CRB1: variants seen among roughly 807,000 people sequenced by gnomAD.
The protein encoded by CRB1 is protein crumbs homolog 1.
A neutral mutation model predicts 120.0 loss-of-function variants in CRB1; 83 were observed. That is an observed-to-expected ratio of 0.69 (90% confidence interval 0.58 to 0.83). CRB1 has a LOEUF of 0.83. CRB1 is among the 40% of genes least tolerant of loss of function. The pLI is 0.00. For synonymous variants in CRB1, 625 were observed against 612.5 expected (o/e 1.02, Z -0.30); for missense variants, 1,699 against 1,687.6 (o/e 1.01, Z -0.12).
At chr1:197,315,487 C>G (rs1395198785) in intron 1 of CRB1, among the ~76,000 whole-genome samples, 1 of 152,168 alleles carries the variant, frequency 6.6e-6, no homozygotes, top group Non-Finnish European at 1.5e-5. Flanking sequence ...CTAAAATAAA[C>G]AGATGGAAAG....
At chr1:197,448,701 T>A (rs1175241801) in intron 11 of CRB1, among the ~76,000 whole-genome samples, 2 of 152,212 alleles carry the variant, frequency 1.3e-5, no homozygotes, top group Non-Finnish European at 1.5e-5. Flanking sequence ...TCTTCTAGGA[T>A]CCTTTCCCTG....
At chr1:197,410,080 C>A (rs1437964090) in intron 5 of CRB1, among the ~76,000 whole-genome samples, 1 of 152,134 alleles carries the variant, frequency 6.6e-6, no homozygotes, top group Non-Finnish European at 1.5e-5. Context: ...CCACTGCGCC[C>A]GGCCAGTAAG....
intron 5 of CRB1, among the ~76,000 whole-genome samples, chr1:197,407,919 T>C (rs1663499605): frequency 6.6e-6 from 1 of 152,212 alleles, no homozygotes; most frequent in Non-Finnish European, 1.5e-5. Context: ...ACTAAAGTTG[T>C]CTTCCAATAC....
chr1:197,219,280 C>G, the CRB1 span, among the ~76,000 whole-genome samples: 1 of 152,216 alleles, frequency 6.6e-6, no homozygotes, highest in African/African-American at 2.4e-5. Flanking sequence ...GTCCTGAATT[C>G]TGTGGTAACT....
rs536752388 is a variant in CRB1, at chr1:197,307,868, G to A, written c.71-20554G>A. Among the ~76,000 whole-genome samples the A allele has an allele frequency of 8.5e-5, 13 of 152,186 alleles. No individual in the cohort carries two copies. In the South Asian group the frequency reaches 2.7e-3, roughly 32 times the overall value. ...CCTGGTCCTTCCACTTACTAGCTAC[G>A]TGACCTTGAACAAGTTACTTAAACT... On this transcript the variant is annotated intron_variant, in intron 1 of 11. Transcript: ENST00000367400.
At chr1:197,222,895 ACT>A in the CRB1 span, 11 of 1,238,836 alleles carry the variant, frequency 8.9e-6, no homozygotes, top group Middle Eastern at 1.9e-4. Context: ...TACAGGGAAG[ACT>A]CTGAACAATT....
chr1:197,281,518 C>G (rs1655519749), intron 1 of CRB1, among the ~76,000 whole-genome samples: 1 of 151,688 alleles, frequency 6.6e-6, no homozygotes, highest in Admixed American at 6.6e-5. Flanking sequence ...GGGTTGAAAG[C>G]CACTGAAGGA....
At chr1:197,282,903 T>G (rs548464462) in intron 1 of CRB1, among the ~76,000 whole-genome samples, 1 of 151,842 alleles carries the variant, frequency 6.6e-6, no homozygotes, top group Admixed American at 6.6e-5. Flanking sequence ...CTCTCCTGGG[T>G]TCCCAAATTT....
At chr1:197,271,316 A>T (rs1038170635) in intron 1 of CRB1, among the ~76,000 whole-genome samples, 9 of 152,192 alleles carry the variant, frequency 5.9e-5, no homozygotes, top group Non-Finnish European at 1.0e-4. Context: ...AGAGAAAATA[A>T]TCACCTCCAG....
chr1:197,356,596 A>G (rs2125353822), intron 4 of CRB1, among the ~76,000 whole-genome samples: 1 of 152,300 alleles, frequency 6.6e-6, no homozygotes, highest in East Asian at 1.9e-4. Flanking sequence ...TTCAAGTCTT[A>G]TTAATCAAAT....
At chr1:197,464,526 TAG>T (rs1284257017) in intron 11 of CRB1, among the ~76,000 whole-genome samples, 2 of 151,962 alleles carry the variant, frequency 1.3e-5, no homozygotes, top group Non-Finnish European at 2.9e-5. Flanking sequence ...TGGGAAAAAG[TAG>T]AGAGAGTTGC....
At chr1:197,267,649 A>G (rs1285566346), upstream of CRB1, among the ~76,000 whole-genome samples, 2 of 152,238 alleles carry the variant, frequency 1.3e-5, no homozygotes, top group African/African-American at 2.4e-5. Flanking sequence ...GACTTGAACA[A>G]TTTAATCTGA....
At chr1:197,304,436 G>A in intron 1 of CRB1, 17 of 956,610 alleles carry the variant, frequency 1.8e-5, no homozygotes, top group Non-Finnish European at 2.1e-5. Flanking sequence ...CCTGGTTCAG[G>A]TGTATTCTCA....
chr1:197,235,022 A>C, the CRB1 span, among the ~76,000 whole-genome samples: 9 of 152,228 alleles, frequency 5.9e-5, no homozygotes, highest in Admixed American at 1.3e-4. Flanking sequence ...ATAGCAGCTC[A>C]GAGATGATTC....
At chr1:197,209,340 G>C in the CRB1 span, among the ~76,000 whole-genome samples, 1 of 151,944 alleles carries the variant, frequency 6.6e-6, no homozygotes, top group East Asian at 1.9e-4. Flanking sequence ...TTTTTGTTTT[G>C]TTTTGTTTTG....
chr1:197,453,524 G>GTATATA (rs1195905915), intron 11 of CRB1, among the ~76,000 whole-genome samples: 149 of 123,748 alleles, frequency 1.2e-3, no homozygotes, highest in African/African-American at 3.5e-3. Flanking sequence ...GTGTGTGTGT[G>GTATATA]TATATATATA....
intron 2 of CRB1, among the ~76,000 whole-genome samples, chr1:197,329,469 G>A (rs1233291465): frequency 6.6e-6 from 1 of 152,150 alleles, no homozygotes; most frequent in Non-Finnish European, 1.5e-5. Flanking sequence ...TGGTATATCA[G>A]ATAAACCACG....
intron 5 of CRB1, among the ~76,000 whole-genome samples, chr1:197,419,554 G>A (rs1664179553): frequency 6.6e-6 from 1 of 151,938 alleles, no homozygotes; most frequent in Non-Finnish European, 1.5e-5. Context: ...GTAAAGATAG[G>A]ATTTCACCAT....
At chr1:197,475,063 T>G (rs1667142965) in intron 11 of CRB1, among the ~76,000 whole-genome samples, 1 of 152,176 alleles carries the variant, frequency 6.6e-6, no homozygotes, top group African/African-American at 2.4e-5. Context: ...ATAAACTATT[T>G]TTTCTAAAAA....
Sources: allele counts gnomAD v4.1 joint callset (sites outside exome capture counted in the v4.1 genomes callset), GRCh38; gene constraint gnomAD v4.1.1; transcripts MANE v1.5; gene names NCBI Gene and HGNC (gene_info 2026-07-23, HGNC 2026-07-21).